GALNT2: variants seen among roughly 807,000 people sequenced by gnomAD.
GALNT2 encodes polypeptide N-acetylgalactosaminyltransferase 2.
A neutral mutation model predicts 81.4 loss-of-function variants in GALNT2; 31 were observed. The observed-to-expected ratio is 0.38, with a 90% CI of 0.29 to 0.51. The LOEUF (loss-of-function observed/expected upper bound fraction) is 0.51, where lower values mean the gene tolerates loss of function less well. Among genes scored for constraint, GALNT2 ranks in the 20% least tolerant of loss-of-function variants. The probability of loss-of-function intolerance (pLI) is 0.87; values close to 1 mark genes in which losing one functional copy is unlikely to be tolerated. For synonymous variants in GALNT2, 303 were observed against 287.4 expected (o/e 1.05, Z -0.55); for missense variants, 629 against 765.7 (o/e 0.82, Z 2.11).
intron 10 of GALNT2, among the ~76,000 whole-genome samples, chr1:230,253,390 G>A (rs1436927669): frequency 6.6e-6 from 1 of 152,038 alleles, no homozygotes; most frequent in East Asian, 1.9e-4. Context: ...CTGGCATTCT[G>A]GGCACCTGTT....
At chr1:230,103,703 C>T (rs1046438804) in intron 1 of GALNT2, among the ~76,000 whole-genome samples, 12 of 150,018 alleles carry the variant, frequency 8.0e-5, no homozygotes, top group Admixed American at 4.7e-4. Context: ...CCCATCCCTC[C>T]AAAACCACAC....
intron 14 of GALNT2, among the ~76,000 whole-genome samples, chr1:230,272,359 A>G (rs1276235361): frequency 6.6e-6 from 1 of 152,146 alleles, no homozygotes; most frequent in Middle Eastern, 3.2e-3. Context: ...TTGGAATGCT[A>G]CAGTGCACAG....
chr1:230,241,193 A>T (rs561276184), intron 6 of GALNT2, among the ~76,000 whole-genome samples: 1 of 152,270 alleles, frequency 6.6e-6, no homozygotes, highest in Admixed American at 6.5e-5. Context: ...GGGTCATCTC[A>T]GGGTGAACTT....
intron 10 of GALNT2, among the ~76,000 whole-genome samples, chr1:230,254,587 G>A (rs1231669361): frequency 6.6e-6 from 1 of 152,150 alleles, no homozygotes; most frequent in South Asian, 2.1e-4. Context: ...ACAGGGACTT[G>A]TATTTAATAA....
chr1:230,149,034 C>T (rs1388875595), intron 1 of GALNT2, among the ~76,000 whole-genome samples: 1 of 152,080 alleles, frequency 6.6e-6, no homozygotes, highest in Non-Finnish European at 1.5e-5. Context: ...GCACGTACCA[C>T]CACGCCCAGC....
chr1:230,222,183 C>A (rs1385443656), intron 3 of GALNT2, among the ~76,000 whole-genome samples: 2 of 151,870 alleles, frequency 1.3e-5, no homozygotes, highest in Admixed American at 6.6e-5. Context: ...TCCACCACCA[C>A]GCCCGGCTAA....
At chr1:230,190,229 C>G (rs1476578046) in intron 2 of GALNT2, among the ~76,000 whole-genome samples, 1 of 152,230 alleles carries the variant, frequency 6.6e-6, no homozygotes, top group Non-Finnish European at 1.5e-5. Context: ...ATACATAATT[C>G]TACCATCCAG....
At chr1:230,158,604 G>A (rs578113787) in intron 1 of GALNT2, among the ~76,000 whole-genome samples, 4 of 152,304 alleles carry the variant, frequency 2.6e-5, no homozygotes, top group African/African-American at 4.8e-5. Context: ...TCAGGGCCAC[G>A]GAACTGGAGA....
At chr1:230,158,236 A>G (rs1237227250) in intron 1 of GALNT2, among the ~76,000 whole-genome samples, 1 of 152,104 alleles carries the variant, frequency 6.6e-6, no homozygotes, top group Non-Finnish European at 1.5e-5. Context: ...GTGAGGGATG[A>G]GTAGCGTGGG....
At chr1:230,122,929 A>G (rs1373704556) in intron 1 of GALNT2, among the ~76,000 whole-genome samples, 2 of 152,172 alleles carry the variant, frequency 1.3e-5, no homozygotes, top group African/African-American at 4.8e-5. Context: ...AGTGTCCCGC[A>G]TCCCCTTGTT....
intron 1 of GALNT2, among the ~76,000 whole-genome samples, chr1:230,061,065 G>C (rs75976835): frequency 0.018 from 2,684 of 152,216 alleles, 80 homozygotes; most frequent in African/African-American, 0.062. Flanking sequence ...ATGGTATTTA[G>C]AAACCAAGAT....
At chr1:230,197,520 G>C (rs958792175) in intron 2 of GALNT2, among the ~76,000 whole-genome samples, 1 of 152,206 alleles carries the variant, frequency 6.6e-6, no homozygotes, top group Admixed American at 6.5e-5. Flanking sequence ...TTCTGGGTGA[G>C]GGCATAGGGG....
At chr1:230,058,226 T>C in intron 1 of GALNT2, 1 of 424,232 alleles carries the variant, frequency 2.4e-6, no homozygotes, top group South Asian at 1.7e-5. Flanking sequence ...AGGGGCAGCC[T>C]GGGCTGGTGA....
rs575443333 is a variant in GALNT2, at chr1:230,275,104, C to T, written c.1560+540C>T. On this transcript the variant is annotated intron_variant, in intron 15 of 15. Transcript: ENST00000366672. The surrounding 1 kb of genome is among the most constrained non-coding windows in gnomAD (Gnocchi z 5.5). Reference sequence around the variant, plus strand: ...CACCACATATATATACATGTATACACACCACATATATATACATATATATAC... The same window carrying T: ...CACCACATATATATACATGTATACATACCACATATATATACATATATATAC... 2.7e-5 allele frequency among the ~76,000 whole-genome samples: 4 copies of T among 149,524 alleles called. No individual in the cohort carries two copies. In the South Asian group the frequency reaches 8.4e-4, roughly 31 times the overall value.
intron 1 of GALNT2, among the ~76,000 whole-genome samples, chr1:230,135,124 A>G (rs1229289090): frequency 6.6e-6 from 1 of 151,918 alleles, no homozygotes; most frequent in African/African-American, 2.4e-5. Flanking sequence ...CAATTTTAAG[A>G]TGCATTCCCC....
chr1:230,067,603 A>C (rs1659236835), intron 1 of GALNT2, among the ~76,000 whole-genome samples, 197 bp downstream of exon 1: 1 of 151,192 alleles, frequency 6.6e-6, no homozygotes, highest in Non-Finnish European at 1.5e-5. Flanking sequence ...CCGGGCTCCG[A>C]AAGGGCGGCC....
chr1:230,067,451 C>T, intron 1 of GALNT2, 45 bp downstream of exon 1: 2 of 777,874 alleles, frequency 2.6e-6, no homozygotes, highest in African/African-American at 1.9e-5. Flanking sequence ...CGCCCACCCC[C>T]CACCCTGCGC....
intron 1 of GALNT2, among the ~76,000 whole-genome samples, chr1:230,071,003 C>T (rs1458995051): frequency 3.3e-5 from 5 of 152,102 alleles, no homozygotes; most frequent in African/African-American, 1.2e-4. Flanking sequence ...CTCATCTTTG[C>T]AGTGGGAGTA....
At chr1:230,217,899 T>G (rs372130591) in intron 3 of GALNT2, among the ~76,000 whole-genome samples, 2 of 152,226 alleles carry the variant, frequency 1.3e-5, no homozygotes, top group East Asian at 3.8e-4. Context: ...GGCTGTTAAG[T>G]TGCAACACCT....
Sources: allele counts gnomAD v4.1 joint callset (sites outside exome capture counted in the v4.1 genomes callset), GRCh38; gene constraint gnomAD v4.1.1; non-coding constraint Gnocchi (gnomAD v3.1); transcripts MANE v1.5; gene names NCBI Gene and HGNC (gene_info 2026-07-23, HGNC 2026-07-21).